TEX11: variants seen among roughly 807,000 people sequenced by gnomAD.
TEX11 encodes testis-expressed protein 11.
Under a neutral mutation model 84.4 loss-of-function variants are expected in TEX11, and 7 were observed. That is an observed-to-expected ratio of 0.08 (90% CI 0.05 to 0.16). The LOEUF is 0.16. Among genes scored for constraint, TEX11 ranks in the 10% least tolerant of loss-of-function variants. The pLI, the probability that TEX11 is intolerant of heterozygous loss-of-function variation, is 1.00. For missense variants in TEX11, 551 were observed against 660.5 expected (o/e 0.83, Z 1.82); for synonymous variants, 264 against 222.8 (o/e 1.18, Z -1.64).
At chrX:70,788,987 G>T (rs1251664911) in intron 9 of TEX11, among the ~76,000 whole-genome samples, 100 of 63,003 alleles carry the variant, frequency 1.6e-3, no homozygotes, top group East Asian at 3.2e-3. Flanking sequence ...GAGAGAGAGA[G>T]AGAGAGAGAG....
At chrX:70,548,097 G>A (rs1051391958) in intron 28 of TEX11, among the ~76,000 whole-genome samples, 5 of 111,435 alleles carry the variant, frequency 4.5e-5, no homozygotes, top group Non-Finnish European at 9.4e-5. Context: ...CATAAAAAAT[G>A]ATGAGTTCAT....
chrX:70,839,601 A>C (rs1300947573), intron 7 of TEX11, among the ~76,000 whole-genome samples: 1 of 112,360 alleles, frequency 8.9e-6, no homozygotes, highest in Non-Finnish European at 1.9e-5. Context: ...CTCCAAAGGA[A>C]TGCAGCTCCT....
At chrX:70,891,317 C>T (rs1369949789) in intron 2 of TEX11, among the ~76,000 whole-genome samples, 2 of 111,485 alleles carry the variant, frequency 1.8e-5, no homozygotes, top group Non-Finnish European at 3.8e-5. Context: ...ACCAGAGTGC[C>T]TCTCCTCCTC....
At chrX:70,601,609 C>T (rs2089114680) in intron 24 of TEX11, among the ~76,000 whole-genome samples, 1 of 85,130 alleles carries the variant, frequency 1.2e-5, no homozygotes, top group Non-Finnish European at 2.2e-5. Context: ...GGTCATAGGA[C>T]AATAGTGGAG....
chrX:70,760,920 A>G (rs2036141409), intron 9 of TEX11, among the ~76,000 whole-genome samples: 1 of 112,098 alleles, frequency 8.9e-6, no homozygotes, highest in African/African-American at 3.2e-5. Flanking sequence ...CAAGAAAAAC[A>G]GCAACAACCC....
At chrX:70,520,599 G>T in the TEX11 span, among the ~76,000 whole-genome samples, 3 of 112,553 alleles carry the variant, frequency 2.7e-5, no homozygotes, top group African/African-American at 9.7e-5. Context: ...GGGGCTCAGG[G>T]ACCCACTTGA....
intron 28 of TEX11, among the ~76,000 whole-genome samples, chrX:70,548,415 T>C (rs1359034774): frequency 9.3e-6 from 1 of 107,665 alleles, no homozygotes; most frequent in Non-Finnish European, 1.9e-5. Context: ...ACTTAAAGTA[T>C]AATAATAATA....
chrX:70,585,006 TGC>T (rs758962501), intron 25 of TEX11, among the ~76,000 whole-genome samples: 5 of 112,038 alleles, frequency 4.5e-5, no homozygotes, highest in Non-Finnish European at 9.4e-5. Flanking sequence ...ACAGGAAGTT[TGC>T]TATTCAACAT....
chrX:70,804,971 CTTTTTTTTT>C (rs748863855), intron 9 of TEX11, among the ~76,000 whole-genome samples: 2 of 68,208 alleles, frequency 2.9e-5, no homozygotes, highest in African/African-American at 6.8e-5. Context: ...CACCAGCATC[CTTTTTTTTT>C]TTTTTTTTTT....
chrX:70,750,932 AAATATATATAT>A lies in TEX11; in HGVS notation c.693-6724_693-6714del, dbSNP rs1380010992. On this transcript the variant is annotated intron_variant, in intron 9 of 29. Coordinates refer to ENST00000374333, the MANE Select transcript of TEX11 (RefSeq NM_031276.3). ...AACTTAAAGTATAATAAAAAAAAAA[AAATATATATAT>A]ATATATATATATATATATATATAAA... 1.5e-4 allele frequency among the ~76,000 whole-genome samples: 6 copies of A among 38,746 alleles called. 1 individual carries two copies. Among genetic ancestry groups the A allele is most frequent in the Admixed American group, 6.3e-4 (2 of 3,154 alleles). 33.6% of individuals were successfully genotyped at this position (38,746 alleles called of 115,157 possible).
intron 25 of TEX11, among the ~76,000 whole-genome samples, chrX:70,579,796 A>T (rs1487177278): frequency 8.9e-6 from 1 of 112,273 alleles, no homozygotes; most frequent in Non-Finnish European, 1.9e-5. Flanking sequence ...CTACAGTGAG[A>T]TATTATCTCA....
chrX:70,791,593 G>A (rs1188232357), intron 9 of TEX11, among the ~76,000 whole-genome samples: 2 of 111,632 alleles, frequency 1.8e-5, no homozygotes, highest in South Asian at 3.7e-4. Context: ...CTCTAAGATT[G>A]ACCACATGTT....
At chrX:70,729,529 G>A (rs915890455) in intron 11 of TEX11, among the ~76,000 whole-genome samples, 34 of 111,928 alleles carry the variant, frequency 3.0e-4, no homozygotes, top group Non-Finnish European at 4.9e-4. Flanking sequence ...CTTCAGTAGC[G>A]GATTCGATCA....
chrX:70,766,574 G>A (rs2090942201), intron 9 of TEX11, among the ~76,000 whole-genome samples: 1 of 110,925 alleles, frequency 9.0e-6, no homozygotes, highest in African/African-American at 3.3e-5. Flanking sequence ...CAGATTTGCT[G>A]CAATCCCTAT....
chrX:70,571,683 T>C (rs1320274025), intron 25 of TEX11, among the ~76,000 whole-genome samples: 1 of 112,356 alleles, frequency 8.9e-6, no homozygotes, highest in Non-Finnish European at 1.9e-5. Context: ...CATTTAATTG[T>C]ACTTTGTTTG....
At chrX:70,836,319 A>G (rs1052329803) in intron 7 of TEX11, among the ~76,000 whole-genome samples, 15 of 111,468 alleles carry the variant, frequency 1.3e-4, no homozygotes, top group African/African-American at 4.9e-4. Context: ...TAAAAGAAAA[A>G]GAAATCAATC....
intron 10 of TEX11, 52 bp from the exon 11 acceptor site, chrX:70,740,848 A>G (rs1000433092): frequency 1.2e-6 from 1 of 817,049 alleles, no homozygotes; most frequent in Middle Eastern, 3.1e-4. Flanking sequence ...TTAAACTTCA[A>G]TACAACAGCT....
chrX:70,823,047 A>G (rs1335705599), intron 8 of TEX11, among the ~76,000 whole-genome samples: 1 of 110,527 alleles, frequency 9.0e-6, no homozygotes, highest in Admixed American at 9.8e-5. Context: ...GGCGTCAAAC[A>G]TTGAACCCAT....
At chrX:70,717,722 T>C (rs932673668) in intron 13 of TEX11, among the ~76,000 whole-genome samples, 1 of 111,948 alleles carries the variant, frequency 8.9e-6, no homozygotes, top group African/African-American at 3.2e-5. Context: ...TGCTATAAAA[T>C]TACTAAAAGC....
Sources: gnomAD v4.1 joint callset for allele counts (sites outside exome capture counted in the v4.1 genomes callset) on GRCh38, gnomAD v4.1.1 for gene constraint, MANE v1.5 for transcripts, NCBI Gene and HGNC (gene_info 2026-07-23, HGNC 2026-07-21) for gene names.